KIF1A: variants seen among roughly 807,000 people sequenced by gnomAD.
The protein encoded by KIF1A is kinesin-like protein KIF1A.
Under a neutral mutation model 227.3 loss-of-function variants are expected in KIF1A, and 46 were observed. The observed-to-expected ratio is 0.20, with a 90% CI of 0.16 to 0.26. The LOEUF is 0.26. Ranked by LOEUF, KIF1A falls within the 10% of genes least tolerant of loss-of-function variation. KIF1A has a pLI of 1.00. For missense variants in KIF1A, 1,683 were observed against 2,485.9 expected (o/e 0.68, Z 6.87); for synonymous variants, 1,022 against 1,012.8 (o/e 1.01, Z -0.17).
chr2:240,786,256 G>T, intron 6 of KIF1A, 79 bp downstream of exon 6: 2 of 1,408,340 alleles, frequency 1.4e-6, no homozygotes, highest in Middle Eastern at 1.9e-4. Flanking sequence ...AAAGGGCCAG[G>T]ACCGAGGTGA....
At chr2:240,776,320 C>A (rs766651458) in intron 10 of KIF1A, among the ~76,000 whole-genome samples, 12 of 152,214 alleles carry the variant, frequency 7.9e-5, no homozygotes, top group Non-Finnish European at 1.5e-4. Context: ...GACTCCTGAC[C>A]CAAGGGAAAA....
intron 1 of KIF1A, chr2:240,818,935 G>C (rs1035763058): frequency 2.0e-5 from 3 of 152,306 alleles, no homozygotes; most frequent in Non-Finnish European, 4.4e-5. Flanking sequence ...CTTGGGGAAG[G>C]GGTCCTCCAG....
At chr2:240,795,069 G>T (rs924493414) in intron 2 of KIF1A, among the ~76,000 whole-genome samples, 1 of 152,132 alleles carries the variant, frequency 6.6e-6, no homozygotes. Context: ...GGTGATCCCC[G>T]GAAGATCGGC....
At chr2:240,759,171 G>C (rs2050214553) in intron 25 of KIF1A, among the ~76,000 whole-genome samples, 1 of 151,856 alleles carries the variant, frequency 6.6e-6, no homozygotes, top group Non-Finnish European at 1.5e-5. Flanking sequence ...GTGTGTGTTT[G>C]CATGAATGTG....
chr2:240,808,509 A>T lies in KIF1A; in HGVS notation c.-60-10697T>A, dbSNP rs76824724. Among the ~76,000 whole-genome samples the T allele has an allele frequency of 3.3e-3, 76 of 22,700 alleles. No individual in the cohort carries two copies. The South Asian group carries it at 0.07, about 21-fold the overall frequency. The allele number at this position is 22,700 out of a possible 152,430, so 14.9% of individuals were successfully genotyped here. A position where few individuals can be genotyped will look rare whatever the true frequency, so the allele number is the denominator to read the frequency against. On this transcript the variant is annotated intron_variant, in intron 1 of 48. Transcript: ENST00000498729. ...CCCATTTCTAAAACAAAAAAAAAAA[A>T]TTTTTTTTTTTTAATTAGCCAGGAG...
At chr2:240,795,531 T>C (rs1288525490) in intron 2 of KIF1A, among the ~76,000 whole-genome samples, 1 of 152,244 alleles carries the variant, frequency 6.6e-6, no homozygotes, top group African/African-American at 2.4e-5. Context: ...GGCAGCTCTC[T>C]GGGTCTGGGC....
intron 43 of KIF1A, 38 bp from the exon 44 acceptor site, chr2:240,721,922 TC>T: frequency 7.2e-6 from 11 of 1,532,790 alleles, no homozygotes; most frequent in Non-Finnish European, 9.8e-6. Flanking sequence ...GGGCCAGGCC[TC>T]CCGGGACCCT....
chr2:240,718,689 A>G (rs112691777), intron 47 of KIF1A, among the ~76,000 whole-genome samples: 2,971 of 152,220 alleles, frequency 0.02, 66 homozygotes, highest in African/African-American at 0.06. Context: ...GGCTGGTGCC[A>G]CCCACCTTGG....
chr2:240,784,588 G>A (rs1414050477), intron 7 of KIF1A, among the ~76,000 whole-genome samples: 3 of 152,314 alleles, frequency 2.0e-5, no homozygotes, highest in East Asian at 1.9e-4. Flanking sequence ...CTCCCCACAC[G>A]GCTGCCTGAG....
chr2:240,734,012 A>G (rs1247541458), intron 38 of KIF1A, among the ~76,000 whole-genome samples: 1 of 152,142 alleles, frequency 6.6e-6, no homozygotes, highest in East Asian at 1.9e-4. Context: ...GCAGCCGGGG[A>G]AAAGGGAGCC....
chr2:240,796,033 G>T (rs2056355674), intron 2 of KIF1A, among the ~76,000 whole-genome samples: 1 of 152,100 alleles, frequency 6.6e-6, no homozygotes, highest in Admixed American at 6.5e-5. Context: ...GGATTCACAG[G>T]GCCCTCCCTG....
At chr2:240,728,483 G>T in intron 38 of KIF1A, 1 of 1,033,848 alleles carries the variant, frequency 9.7e-7, no homozygotes, top group Non-Finnish European at 1.3e-6. Flanking sequence ...ACAAGCACCG[G>T]CACAAGGCCC....
At chr2:240,717,699 A>T (rs949403132) in intron 48 of KIF1A, among the ~76,000 whole-genome samples, 1 of 152,150 alleles carries the variant, frequency 6.6e-6, no homozygotes, top group Non-Finnish European at 1.5e-5. Context: ...CCGGGTTAGG[A>T]TGTAATTTTG....
chr2:240,779,950 G>GCATTCCACAC (rs957699690), intron 10 of KIF1A, among the ~76,000 whole-genome samples: 2 of 152,030 alleles, frequency 1.3e-5, no homozygotes, highest in African/African-American at 4.8e-5. Context: ...GCTCTCCACA[G>GCATTCCACAC]CATTCCACAC....
chr2:240,768,560 C>CCCACCTGGGCTGCTGTGCCATGCT (rs1403641506), intron 17 of KIF1A, among the ~76,000 whole-genome samples: 61 of 152,294 alleles, frequency 4.0e-4, no homozygotes, highest in African/African-American at 1.4e-3. Context: ...TGTGTCATGC[C>CCCACCTGGGCTGCTGTGCCATGCT]CCACCTGGGC....
rs2044786414 is a variant in KIF1A at position 240,718,159 on chromosome 2, T to C, written c.5224A>G (p.Thr1742Ala). Residue 1742 changes from threonine (T) to alanine (A), a missense_variant, in exon 48 of 49, where the codon ACA becomes GCA. Coordinates refer to ENST00000498729, the MANE Select transcript of KIF1A (RefSeq NM_001244008.2). Reference sequence around the variant, plus strand: ...CGGTGTTCCGTGCACACCGCGAATGTGTTGGGTGTCTGCAGAGGGAGGCAG... The same window carrying C: ...CGGTGTTCCGTGCACACCGCGAATGCGTTGGGTGTCTGCAGAGGGAGGCAG... Reference protein sequence around the residue: ...DQQAMLKTPNTFAVCTEHRGI... With the variant: ...DQQAMLKTPNAFAVCTEHRGI... 1 of 1,603,106 alleles carries C rather than the reference T, an allele frequency of 6.2e-7. No individual in the cohort carries two copies. The highest frequency in any genetic ancestry group is 8.5e-7 in the Non-Finnish European group (1 of 1,175,258).
intron 1 of KIF1A, among the ~76,000 whole-genome samples, chr2:240,812,238 G>C (rs1003472627): frequency 6.6e-6 from 1 of 152,164 alleles, no homozygotes; most frequent in African/African-American, 2.4e-5. Context: ...AGCAGAAAAA[G>C]CCAAGTCCCT....
Position 240,804,997 on chromosome 2 carries a change from G to A in KIF1A, c.-60-7185C>T, listed in dbSNP as rs369305546. Among the ~76,000 whole-genome samples the A allele has an allele frequency of 3.8e-3, 555 of 147,530 alleles. 1 individual carries two copies. Among genetic ancestry groups the A allele is most frequent in the African/African-American group, 0.013 (524 of 40,002 alleles). On this transcript the variant is annotated intron_variant, in intron 1 of 48. Transcript: ENST00000498729. ...ATAAGCAAGAGTCACCAAAAAAGGA[G>A]AGGAGAGAAGAAGGAAAGGGAAGGG... is the stretch of plus-strand genomic sequence containing the variant.
At chr2:240,764,787 C>T (rs571964496) in intron 20 of KIF1A, among the ~76,000 whole-genome samples, 24 of 152,274 alleles carry the variant, frequency 1.6e-4, no homozygotes, top group Middle Eastern at 3.4e-3. Context: ...AGGCCCCCAA[C>T]GGTGGGGTGG....
Sources: gnomAD v4.1 joint callset for allele counts (sites outside exome capture counted in the v4.1 genomes callset) on GRCh38, gnomAD v4.1.1 for gene constraint, MANE v1.5 for transcripts, NCBI Gene and HGNC (gene_info 2026-07-23, HGNC 2026-07-21) for gene names.